The following ADORA2A variants were observed in gnomAD, a reference collection of about 807,000 sequenced individuals.
ADORA2A encodes the protein adenosine receptor A2a.
Under a neutral mutation model 18.4 loss-of-function variants are expected in ADORA2A, and 11 were observed. The ratio of observed to expected loss-of-function variants is 0.60; its 90% CI spans 0.38 to 0.99. The LOEUF is 0.99. Among genes scored for constraint, ADORA2A ranks in the 50% least tolerant of loss-of-function variants. The probability of loss-of-function intolerance (pLI) is 0.01; values close to 1 mark genes in which losing one functional copy is unlikely to be tolerated. For missense variants in ADORA2A, 449 were observed against 556.1 expected, an observed-to-expected ratio of 0.81 and a Z score of 1.94; for synonymous variants, 218 against 237.3, an observed-to-expected ratio of 0.92 and a Z score of 0.75.
upstream of ADORA2A, among the ~76,000 whole-genome samples, chr22:24,426,725 G>A (rs2042922428): frequency 6.6e-6 from 1 of 152,194 alleles, no homozygotes; most frequent in African/African-American, 2.4e-5. Flanking sequence ...GGAGGATCAG[G>A]TGGAGAGAGG....
intron 2 of ADORA2A, among the ~76,000 whole-genome samples, chr22:24,434,736 GT>G (rs1051365890): frequency 5.6e-4 from 85 of 152,362 alleles, no homozygotes; most frequent in African/African-American, 2.0e-3. Context: ...GCCACAGCAG[GT>G]TGAGGGTGCC....
chr22:24,433,443 G>A lies in ADORA2A; in HGVS notation c.39G>A (p.Glu13=), dbSNP rs768136142. ...IMGSSVYITV[E]LAIAVLAILG... The stretch of plus-strand genomic sequence containing the variant: ...GCTCCTCGGTGTACATCACGGTGGA[G>A]CTGGCCATTGCTGTGCTGGCCATCC... Residue 13 remains glutamate, a synonymous_variant, in exon 2 of 3, where the codon GAG becomes GAA. Transcript: ENST00000337539. The A allele has an allele frequency of 6.2e-7, 1 of 1,612,782 alleles. No individual in the cohort carries two copies. The highest frequency in any genetic ancestry group is 2.2e-5 in the East Asian group (1 of 44,796).
rs2043095523 is a variant in ADORA2A, at chr22:24,433,456, G to A, written c.52G>A (p.Val18Met). The A allele has an allele frequency of 6.2e-6, 10 of 1,612,974 alleles. No individual in the cohort carries two copies. The highest frequency in any genetic ancestry group is 8.5e-6 in the Non-Finnish European group (10 of 1,179,634). The change falls in exon 2 of 3, where the codon GTG becomes ATG. Residue 18 changes from valine to methionine, a missense_variant. By Grantham distance (21) the Val-to-Met change is conservative. Transcript: ENST00000337539. ...CATCACGGTGGAGCTGGCCATTGCTGTGCTGGCCATCCTGGGCAATGTGCT... is the reference window on the plus strand; with the variant it reads ...CATCACGGTGGAGCTGGCCATTGCTATGCTGGCCATCCTGGGCAATGTGCT... ...VYITVELAIA[V>M]LAILGNVLVC...
At chr22:24,424,058 G>A, upstream of ADORA2A, 1 of 153,072 alleles carries the variant, frequency 6.5e-6, no homozygotes, top group Non-Finnish European at 1.5e-5. The surrounding 1 kb of genome is among the most constrained non-coding windows in gnomAD (Gnocchi z 4.9). Flanking sequence ...GCGTGGGGCC[G>A]TCGGGGGTGC....
At chr22:24,439,513 G>A (rs1193699876) in intron 2 of ADORA2A, 3 of 152,200 alleles carry the variant, frequency 2.0e-5, no homozygotes, top group African/African-American at 4.8e-5. Flanking sequence ...TTGAAGGATG[G>A]GTAGGGTTTC....
At chr22:24,430,660 G>C (rs2043009042) in intron 1 of ADORA2A, among the ~76,000 whole-genome samples, 1 of 152,256 alleles carries the variant, frequency 6.6e-6, no homozygotes, top group African/African-American at 2.4e-5. Context: ...ATGGGACTGG[G>C]GAGTCCTCCT....
upstream of ADORA2A, among the ~76,000 whole-genome samples, chr22:24,425,894 G>A (rs1244206526): frequency 1.3e-5 from 2 of 152,244 alleles, no homozygotes; most frequent in Non-Finnish European, 2.9e-5. Context: ...AATGCCTAAT[G>A]TGGAAAGGCC....
At chr22:24,440,308 T>C (rs2043305535) in intron 2 of ADORA2A, among the ~76,000 whole-genome samples, 1 of 152,258 alleles carries the variant, frequency 6.6e-6, no homozygotes, top group African/African-American at 2.4e-5. Context: ...CCAGGACTAC[T>C]CCGAAAACTA....
At chr22:24,424,986 G>T (rs1012296401), upstream of ADORA2A, among the ~76,000 whole-genome samples, 12 of 152,182 alleles carry the variant, frequency 7.9e-5, no homozygotes, top group Middle Eastern at 3.4e-3. The surrounding 1 kb of genome is among the most constrained non-coding windows in gnomAD (Gnocchi z 4.9). Flanking sequence ...GGCCCTTGTT[G>T]GAGGGTGAGC....
Position 24,441,118 on chromosome 22 carries a change from T to A in ADORA2A, c.868T>A (p.Tyr290Asn), listed in dbSNP as rs1268412903. The A allele has an allele frequency of 1.9e-6, 3 of 1,614,058 alleles. No individual in the cohort carries two copies. In the East Asian group the frequency reaches 6.7e-5, roughly 36 times the overall value. Reference sequence around the variant, plus strand: ...GGTTGTGAATCCCTTCATCTACGCCTACCGTATCCGCGAGTTCCGCCAGAC... The same window carrying A: ...GGTTGTGAATCCCTTCATCTACGCCAACCGTATCCGCGAGTTCCGCCAGAC... The part of the protein sequence containing the change: ...NSVVNPFIYA[Y>N]RIREFRQTFR... The change falls in exon 3 of 3, where the codon TAC becomes AAC. Residue 290 changes from tyrosine (Y) to asparagine (N), a missense_variant. Tyr to Asn is a moderately radical substitution (Grantham distance 143, BLOSUM62 -2). Transcript: ENST00000337539.
chr22:24,439,691 T>C (rs1364047725), intron 2 of ADORA2A: 1 of 152,120 alleles, frequency 6.6e-6, no homozygotes, highest in Non-Finnish European at 1.5e-5. Context: ...GGCTGAGGTC[T>C]GCTTACTGGC....
intron 2 of ADORA2A, among the ~76,000 whole-genome samples, chr22:24,434,004 T>C (rs2146892804): frequency 6.6e-6 from 1 of 152,366 alleles, no homozygotes; most frequent in South Asian, 2.1e-4. Context: ...CCAACTGTGC[T>C]CTGCTTTTTG....
At chr22:24,431,387 T>A (rs2043032107) in intron 1 of ADORA2A, 1 of 456,550 alleles carries the variant, frequency 2.2e-6, no homozygotes, top group Non-Finnish European at 4.4e-6. Flanking sequence ...GTGCCAATCC[T>A]GTTCCAGCCA....
chr22:24,431,170 T>C (rs536083474), intron 1 of ADORA2A: 1 of 456,778 alleles, frequency 2.2e-6, no homozygotes, highest in South Asian at 1.5e-5. Context: ...AATGGCTGCC[T>C]GGCAAGTGCT....
chr22:24,441,394 G>T lies in ADORA2A; in HGVS notation c.1144G>T (p.Asp382Tyr). Residue 382 changes from aspartate to tyrosine, a missense_variant, in exon 3 of 3, where the codon GAC becomes TAC. Physicochemically the swap from Asp to Tyr is radical, Grantham distance 160. Coordinates refer to ENST00000337539, the MANE Select transcript of ADORA2A (RefSeq NM_000675.6). ...GTCCCAGGGGAACACGGGCCTCCCA[G>T]ACGTGGAGCTCCTTAGCCATGAGCT... Reference protein sequence around the residue: ...QESQGNTGLPDVELLSHELKG... With the variant: ...QESQGNTGLPYVELLSHELKG... The T allele has an allele frequency of 1.9e-6, 3 of 1,564,930 alleles. No homozygotes were observed. The highest frequency in any genetic ancestry group is 2.6e-6 in the Non-Finnish European group (3 of 1,156,636).
upstream of ADORA2A, chr22:24,424,515 C>A (rs11704959): frequency 0.072 from 10,992 of 152,308 alleles, 484 homozygotes; most frequent in South Asian, 0.14. The surrounding 1 kb of genome is among the most constrained non-coding windows in gnomAD (Gnocchi z 4.9). Context: ...GAGGGAGATT[C>A]CCCAGGTGGA....
chr22:24,425,147 C>A (rs1055880537), upstream of ADORA2A, among the ~76,000 whole-genome samples: 14 of 152,056 alleles, frequency 9.2e-5, no homozygotes, highest in African/African-American at 3.4e-4. Flanking sequence ...CGGCGGGGCA[C>A]CCTGCCGATA....
At position 24,441,726 on chromosome 22, in the gene ADORA2A, A is replaced by G. The variant is rs1244834072; in HGVS notation, c.*237A>G. 5.0e-6 allele frequency: 2 copies of G among 400,274 alleles called. No homozygotes were observed. Among genetic ancestry groups the G allele is most frequent in the East Asian group, 3.6e-5 (1 of 27,840 alleles). The allele number at this position is 400,274 out of a possible 1,614,324, so 24.8% of individuals were successfully genotyped here. On this transcript the variant is annotated 3_prime_UTR_variant, in exon 3 of 3. Coordinates refer to ENST00000337539, the MANE Select transcript of ADORA2A (RefSeq NM_000675.6). ...TGAGGCCTTGCACCAGGTGGGGGCCACAGCACCAGCAGCATCTTTGCTGGG... is the reference window on the plus strand; with the variant it reads ...TGAGGCCTTGCACCAGGTGGGGGCCGCAGCACCAGCAGCATCTTTGCTGGG...
chr22:24,436,794 G>A (rs1368680053), intron 2 of ADORA2A, among the ~76,000 whole-genome samples: 3 of 152,178 alleles, frequency 2.0e-5, no homozygotes, highest in Admixed American at 6.5e-5. Flanking sequence ...CTTGCAGGAC[G>A]GGCAGGCAGG....
Sources: allele counts gnomAD v4.1 joint callset (sites outside exome capture counted in the v4.1 genomes callset), GRCh38; gene constraint gnomAD v4.1.1; non-coding constraint Gnocchi (gnomAD v3.1); transcripts MANE v1.5; gene names NCBI Gene and HGNC (gene_info 2026-07-23, HGNC 2026-07-21).